The following AMMECR1 variants were observed in gnomAD, a reference collection of about 807,000 sequenced individuals.
The protein encoded by AMMECR1 is AMMECR nuclear protein 1, also known as nuclear protein AMMECR1.
In AMMECR1, 3 loss-of-function variants were observed where a neutral mutation model predicts 22.5. The observed-to-expected ratio is 0.13, with a 90% CI of 0.06 to 0.35. The LOEUF is 0.35. Ranked by LOEUF, AMMECR1 falls within the 10% of genes least tolerant of loss-of-function variation. The probability of loss-of-function intolerance (pLI) is 1.00; values close to 1 mark genes in which losing one functional copy is unlikely to be tolerated. For missense variants in AMMECR1, 235 were observed against 278.7 expected (o/e 0.84, Z 1.12); for synonymous variants, 130 against 116.7 (o/e 1.11, Z -0.74).
intron 1 of AMMECR1, among the ~76,000 whole-genome samples, chrX:110,429,346 C>A (rs982846239): frequency 2.7e-5 from 3 of 110,945 alleles, no homozygotes; most frequent in African/African-American, 9.9e-5. Context: ...TGCCAAAAAA[C>A]AGTAGACACT....
chrX:110,258,890 C>G (rs1368276267), intron 2 of AMMECR1, among the ~76,000 whole-genome samples: 1 of 111,322 alleles, frequency 9.0e-6, no homozygotes, highest in East Asian at 2.8e-4. Context: ...AGAGTGGTTA[C>G]CCAAATAATC....
intron 2 of AMMECR1, among the ~76,000 whole-genome samples, chrX:110,263,437 A>G (rs1569391711): frequency 9.0e-6 from 1 of 111,638 alleles, no homozygotes; most frequent in Non-Finnish European, 1.9e-5. Flanking sequence ...TGCAGCTGTG[A>G]GCTACTGCAT....
At chrX:110,269,184 C>T (rs374072055) in intron 1 of AMMECR1, among the ~76,000 whole-genome samples, 1 of 111,570 alleles carries the variant, frequency 9.0e-6, no homozygotes, top group East Asian at 2.8e-4. Context: ...AGCAAAAGTA[C>T]GAAAAGCAAT....
chrX:110,260,178 T>G (rs1017661137), intron 2 of AMMECR1, among the ~76,000 whole-genome samples: 1 of 111,802 alleles, frequency 8.9e-6, no homozygotes, highest in African/African-American at 3.2e-5. Flanking sequence ...TCGTATTTTC[T>G]ATAATCTTTC....
At chrX:110,309,108 C>G (rs2068012524) in intron 1 of AMMECR1, 1 of 112,008 alleles carries the variant, frequency 8.9e-6, no homozygotes, top group African/African-American at 3.3e-5. Flanking sequence ...TGCTAGGCTA[C>G]TATAAGCGAT....
chrX:110,245,094 C>T (rs746992498), intron 2 of AMMECR1, among the ~76,000 whole-genome samples: 29 of 111,994 alleles, frequency 2.6e-4, no homozygotes, highest in African/African-American at 8.8e-4. Context: ...AGCTAGGAGA[C>T]ACTGGATAGA....
chrX:110,258,225 GACAATTCTCT>G (rs1259672391), intron 2 of AMMECR1, among the ~76,000 whole-genome samples: 2 of 112,316 alleles, frequency 1.8e-5, no homozygotes, highest in Non-Finnish European at 3.8e-5. Context: ...TATGAATTCA[GACAATTCTCT>G]ACAATTCAGG....
chrX:110,361,680 G>A (rs1007779558), intron 2 of AMMECR1, among the ~76,000 whole-genome samples: 20 of 111,938 alleles, frequency 1.8e-4, no homozygotes, highest in African/African-American at 5.5e-4. Flanking sequence ...GCGCCTTCTC[G>A]CCATTCTCTA....
intron 2 of AMMECR1, among the ~76,000 whole-genome samples, chrX:110,228,999 G>A (rs1056383525): frequency 8.9e-6 from 1 of 112,383 alleles, no homozygotes; most frequent in Non-Finnish European, 1.9e-5. Flanking sequence ...CTGGTTGTGC[G>A]TGTATAACTA....
At chrX:110,318,836 T>C (rs2068067864), upstream of AMMECR1, among the ~76,000 whole-genome samples, 2 of 112,321 alleles carry the variant, frequency 1.8e-5, no homozygotes, top group African/African-American at 6.5e-5. Flanking sequence ...CTTGTACTTG[T>C]TCCCCCAACT....
chrX:110,312,168 T>G (rs1329838973), intron 1 of AMMECR1, among the ~76,000 whole-genome samples: 1 of 112,692 alleles, frequency 8.9e-6, no homozygotes, highest in Non-Finnish European at 1.9e-5. Context: ...TACACAAGTT[T>G]TAGTGTTTCA....
upstream of AMMECR1, among the ~76,000 whole-genome samples, chrX:110,321,354 TA>T (rs750944455): frequency 4.0e-3 from 410 of 102,357 alleles, no homozygotes; most frequent in Non-Finnish European, 5.1e-3. Context: ...AGATTCCACT[TA>T]AAAAAAAAAA....
At chrX:110,320,711 A>G (rs967728809), upstream of AMMECR1, among the ~76,000 whole-genome samples, 2 of 112,591 alleles carry the variant, frequency 1.8e-5, no homozygotes, top group Non-Finnish European at 1.9e-5. Flanking sequence ...AGACAAGGAC[A>G]CCCCAGCTGA....
rs2067370569 is a variant in AMMECR1 at position 110,196,370 on chromosome X, T to A, written c.*2150A>T. The stretch of plus-strand genomic sequence containing the variant: ...CTTCAGTTTGCTTGTTTTATTTACC[T>A]TTTTTTCCTTTTTTTTGTTTTTTGT... On this transcript the variant is annotated 3_prime_UTR_variant, in exon 6 of 6. Transcript: ENST00000262844. The A allele has an allele frequency of 1.8e-5, 2 of 109,889 alleles. No homozygotes were observed. The highest frequency in any genetic ancestry group is 3.8e-5 in the Non-Finnish European group (2 of 52,902). 9.1% of individuals were successfully genotyped at this position (109,889 alleles called of 1,213,427 possible).
chrX:110,362,544 C>T (rs776891629), intron 2 of AMMECR1, among the ~76,000 whole-genome samples: 3 of 112,331 alleles, frequency 2.7e-5, no homozygotes, highest in Admixed American at 9.5e-5. Context: ...AGAAGCTGGG[C>T]GACTGTTACT....
At chrX:110,422,488 G>A (rs2068724564) in intron 2 of AMMECR1, among the ~76,000 whole-genome samples, 1 of 112,798 alleles carries the variant, frequency 8.9e-6, no homozygotes, top group South Asian at 3.6e-4. Context: ...CCCAGTTGTG[G>A]CAAATCACCC....
At chrX:110,433,521 T>G in intron 1 of AMMECR1, among the ~76,000 whole-genome samples, 1 of 111,613 alleles carries the variant, frequency 9.0e-6, no homozygotes, top group Non-Finnish European at 1.9e-5. Flanking sequence ...GAGCTCCTAA[T>G]AAACACCAGG....
intron 2 of AMMECR1, among the ~76,000 whole-genome samples, chrX:110,416,236 C>T (rs181370476): frequency 9.0e-5 from 10 of 111,647 alleles, no homozygotes; most frequent in Non-Finnish European, 1.5e-4. Context: ...GATTTGAAGC[C>T]GAGTTCAGCT....
chrX:110,299,795 T>C (rs955189728), intron 1 of AMMECR1, among the ~76,000 whole-genome samples: 1 of 112,096 alleles, frequency 8.9e-6, no homozygotes, highest in African/African-American at 3.2e-5. Context: ...GATCATACAG[T>C]ATTTGTCTTT....
Sources: gnomAD v4.1 joint callset for allele counts (sites outside exome capture counted in the v4.1 genomes callset) on GRCh38, gnomAD v4.1.1 for gene constraint, MANE v1.5 for transcripts, NCBI Gene and HGNC (gene_info 2026-07-23, HGNC 2026-07-21) for gene names.